Variants in ATXN8OS observed in about 807,000 individuals in gnomAD.
ATXN8OS encodes ATXN8 opposite strand (non-protein coding).
At chr13:70,139,022 A>G (rs1056491488) in intron 3 of ATXN8OS, among the ~76,000 whole-genome samples, 2 of 152,168 alleles carry the variant, frequency 1.3e-5, no homozygotes, top group Admixed American at 6.6e-5. Context: ...TATGAATTGC[A>G]TATATAGTAC....
In ATXN8OS at chr13:70,151,610, G is replaced by A. The variant is rs537405891; in HGVS notation, n.573+4182G>A. Among the ~76,000 whole-genome samples the A allele has an allele frequency of 3.3e-5, 5 of 152,148 alleles. No individual in the cohort carries two copies. In the East Asian group the frequency reaches 9.7e-4, roughly 29 times the overall value. Reference sequence around the variant, plus strand: ...GATATTCAAGATAATTACTACATAAGTTCGAATGTAAAACAAAAAAGAAAA... The same window carrying A: ...GATATTCAAGATAATTACTACATAAATTCGAATGTAAAACAAAAAAGAAAA... On this transcript the variant is annotated intron_variant and non_coding_transcript_variant, in intron 4 of 4. Coordinates refer to ENST00000678624, the Ensembl canonical transcript of ATXN8OS.
intron 3 of ATXN8OS, among the ~76,000 whole-genome samples, chr13:70,135,252 C>T (rs1022864156): frequency 1.3e-5 from 2 of 152,044 alleles, no homozygotes; most frequent in African/African-American, 4.8e-5. Flanking sequence ...TTTTTGGGCC[C>T]CTATGTGACA....
At chr13:70,126,729 T>C (rs991563793) in intron 2 of ATXN8OS, among the ~76,000 whole-genome samples, 3 of 151,272 alleles carry the variant, frequency 2.0e-5, no homozygotes, top group African/African-American at 7.3e-5. Context: ...TACACATCTA[T>C]AAATAGACAT....
At chr13:70,120,125 C>G (rs1001029696) in intron 2 of ATXN8OS, among the ~76,000 whole-genome samples, 1 of 152,038 alleles carries the variant, frequency 6.6e-6, no homozygotes, top group Non-Finnish European at 1.5e-5. Context: ...GCAATTTTTT[C>G]TTGTTATTTT....
chr13:70,120,170 G>A (rs1888337580), intron 2 of ATXN8OS, among the ~76,000 whole-genome samples: 1 of 152,066 alleles, frequency 6.6e-6, no homozygotes, highest in African/African-American at 2.4e-5. Context: ...GTTTTAAGGT[G>A]TCAGTGACCC....
intron 3 of ATXN8OS, among the ~76,000 whole-genome samples, chr13:70,138,439 A>T (rs1888650368): frequency 6.6e-6 from 1 of 152,182 alleles, no homozygotes; most frequent in Non-Finnish European, 1.5e-5. Context: ...TTTAAAATGC[A>T]AAAAATAGGT....
chr13:70,170,203 A>T (rs2137510185), exon 5 of ATXN8OS, among the ~76,000 whole-genome samples: 2 of 152,192 alleles, frequency 1.3e-5, no homozygotes, highest in Middle Eastern at 3.4e-3. Context: ...TTTATCCTTC[A>T]GTAAGAAGAC....
At chr13:70,126,678 G>A (rs919454472) in intron 2 of ATXN8OS, among the ~76,000 whole-genome samples, 4 of 150,338 alleles carry the variant, frequency 2.7e-5, no homozygotes, top group Non-Finnish European at 5.9e-5. Flanking sequence ...GCTATGTCTC[G>A]GTAGATAGAT....
At chr13:70,113,948 G>A (rs1383170824) in intron 1 of ATXN8OS, among the ~76,000 whole-genome samples, 1 of 152,150 alleles carries the variant, frequency 6.6e-6, no homozygotes, top group African/African-American at 2.4e-5. Context: ...ACAAGTTTAT[G>A]TGTAAGGAAT....
At chr13:70,107,600 C>G (rs41283978), upstream of ATXN8OS, 875 of 1,593,630 alleles carry the variant, frequency 5.5e-4, 1 homozygote, top group Non-Finnish European at 5.9e-4. Flanking sequence ...CAGCCTCCCC[C>G]CGCCGGGCCG....
At chr13:70,143,578 T>G (rs1194211723) in intron 3 of ATXN8OS, among the ~76,000 whole-genome samples, 1 of 152,210 alleles carries the variant, frequency 6.6e-6, no homozygotes, top group Non-Finnish European at 1.5e-5. Context: ...TATCTTAGTG[T>G]ACCTATGTGT....
chr13:70,161,838 A>G (rs1454599112), intron 4 of ATXN8OS, among the ~76,000 whole-genome samples: 2 of 152,088 alleles, frequency 1.3e-5, no homozygotes, highest in Non-Finnish European at 2.9e-5. Context: ...AATTTAATTA[A>G]TAATAGTGTT....
chr13:70,121,011 T>C (rs1888353248), intron 2 of ATXN8OS, among the ~76,000 whole-genome samples: 1 of 151,918 alleles, frequency 6.6e-6, no homozygotes, highest in Non-Finnish European at 1.5e-5. Flanking sequence ...ACATGGCACA[T>C]GTATACATAT....
chr13:70,112,752 T>TA (rs1262738882), intron 1 of ATXN8OS, among the ~76,000 whole-genome samples: 3 of 151,974 alleles, frequency 2.0e-5, no homozygotes, highest in African/African-American at 7.2e-5. Flanking sequence ...AAAATGGCAT[T>TA]AAAATAGTGA....
rs879063589 is a variant in ATXN8OS, at chr13:70,139,377, A to ACTGCTGCTGCTG, written n.500-7976_500-7975insGCTGCTGCTGCT. On this transcript the variant is annotated intron_variant and non_coding_transcript_variant, in intron 3 of 4. Coordinates refer to ENST00000678624, the Ensembl canonical transcript of ATXN8OS. ...TACTACTACTACTACTACTACTACT[A>ACTGCTGCTGCTG]CTACTACTGCTGCTGCTGCTGCTGC... The ACTGCTGCTGCTG allele has an allele frequency of 2.1e-3, 1,368 of 645,882 alleles. 16 individuals carry two copies. The highest frequency in any genetic ancestry group is 9.4e-3 in the East Asian group (303 of 32,238). 40.0% of individuals were successfully genotyped at this position (645,882 alleles called of 1,614,324 possible). A position where few individuals can be genotyped will look rare whatever the true frequency, so the allele number is the denominator to read the frequency against.
chr13:70,161,915 A>T (rs1889014643), intron 4 of ATXN8OS, among the ~76,000 whole-genome samples: 1 of 152,054 alleles, frequency 6.6e-6, no homozygotes, highest in Admixed American at 6.6e-5. Context: ...AAGGAGAACT[A>T]GGGGGATGGA....
chr13:70,156,025 T>C (rs1888930880), intron 4 of ATXN8OS, among the ~76,000 whole-genome samples: 1 of 152,176 alleles, frequency 6.6e-6, no homozygotes, highest in Non-Finnish European at 1.5e-5. Context: ...GGTTATCAAA[T>C]GAGACTGCCA....
intron 4 of ATXN8OS, among the ~76,000 whole-genome samples, chr13:70,162,904 G>C (rs914857314): frequency 3.3e-5 from 5 of 151,890 alleles, no homozygotes; most frequent in African/African-American, 1.2e-4. Context: ...TGAACTAAAG[G>C]CAACTTTACC....
intron 4 of ATXN8OS, among the ~76,000 whole-genome samples, chr13:70,152,763 C>A (rs17086511): frequency 6.6e-6 from 1 of 152,040 alleles, no homozygotes; most frequent in African/African-American, 2.4e-5. Flanking sequence ...TTATTTATCA[C>A]TGAGTAGTCA....
Sources: allele counts gnomAD v4.1 joint callset (sites outside exome capture counted in the v4.1 genomes callset), GRCh38; gene constraint gnomAD v4.1.1; transcripts MANE v1.5; gene names NCBI Gene and HGNC (gene_info 2026-07-23, HGNC 2026-07-21).